MDGA1: variants seen among roughly 807,000 people sequenced by gnomAD.
MDGA1 encodes the protein MAM domain containing glycosylphosphatidylinositol anchor 1.
A neutral mutation model predicts 101.5 loss-of-function variants in MDGA1; 54 were observed. That is an observed-to-expected ratio of 0.53 (90% CI 0.43 to 0.67). The LOEUF (loss-of-function observed/expected upper bound fraction) is 0.67. MDGA1 is among the 30% of genes least tolerant of loss of function. MDGA1 has a pLI of 0.00. For synonymous variants in MDGA1, 533 were observed against 558.3 expected (o/e 0.95, Z 0.64); for missense variants, 1,083 against 1,323.8 (o/e 0.82, Z 2.82).
At chr6:37,637,645 G>A (rs1163815862) in intron 16 of MDGA1, among the ~76,000 whole-genome samples, 186 bp from the exon 17 acceptor site, 6 of 152,112 alleles carry the variant, frequency 3.9e-5, no homozygotes, top group African/African-American at 1.4e-4. Flanking sequence ...GTGGGGTGGG[G>A]GTTAGCTCAG....
rs1001396775 is a variant in MDGA1 at position 37,650,386 on chromosome 6, C to T, written c.1332G>A (p.Val444=). 1 of 1,557,208 alleles carries T rather than the reference C, an allele frequency of 6.4e-7. No individual in the cohort carries two copies. Among genetic ancestry groups the T allele is most frequent in the African/African-American group, 1.3e-5 (1 of 74,116 alleles). Residue 444 remains valine, a synonymous_variant, in exon 8 of 17, where the codon GTG becomes GTA. Transcript: ENST00000434837. ...CGGTCACCACGGCCCTACCCTTGGG[C>T]ACACTGATGGTGGGCGGCACTGTGG... is the stretch of plus-strand genomic sequence containing the variant. ...SSETVPPTIS[V]PKGRAVVTVR... is the part of the protein sequence containing the mutation.
chr6:37,668,401 T>C (rs1761801138), intron 1 of MDGA1, among the ~76,000 whole-genome samples: 1 of 152,250 alleles, frequency 6.6e-6, no homozygotes, highest in South Asian at 2.1e-4. Flanking sequence ...ATTTCACTCC[T>C]GGGTATGTAC....
chr6:37,667,568 G>A (rs775935048), intron 1 of MDGA1, among the ~76,000 whole-genome samples: 9 of 152,196 alleles, frequency 5.9e-5, no homozygotes, highest in Admixed American at 1.3e-4. Flanking sequence ...GAAAGAGATA[G>A]CCATCTGTGG....
chr6:37,643,990 C>A, intron 13 of MDGA1, 47 bp from the exon 14 acceptor site: 2 of 1,602,814 alleles, frequency 1.2e-6, no homozygotes, highest in Non-Finnish European at 1.7e-6. Context: ...GACAGCCAGG[C>A]CTCTTCCTAC....
At chr6:37,679,994 T>C (rs1235375251) in intron 1 of MDGA1, among the ~76,000 whole-genome samples, 2 of 152,232 alleles carry the variant, frequency 1.3e-5, no homozygotes, top group East Asian at 1.9e-4. Context: ...GACTTCATTA[T>C]ATTTAGTTAC....
At chr6:37,664,336 G>C in intron 1 of MDGA1, 1 of 534,832 alleles carries the variant, frequency 1.9e-6, no homozygotes, top group Non-Finnish European at 3.3e-6. Flanking sequence ...CCTTGCAAGA[G>C]AGCTGTGCTT....
intron 7 of MDGA1, 83 bp from the exon 8 acceptor site, chr6:37,650,488 C>T: frequency 7.3e-7 from 1 of 1,364,714 alleles, no homozygotes; most frequent in Non-Finnish European, 9.6e-7. Context: ...CTCCTGCTTA[C>T]CTCCCGCTAG....
chr6:37,687,770 C>T (rs1762227191), intron 1 of MDGA1, among the ~76,000 whole-genome samples: 1 of 152,010 alleles, frequency 6.6e-6, no homozygotes, highest in Non-Finnish European at 1.5e-5. Context: ...CAGCACCTGG[C>T]CTCACTTTAT....
At chr6:37,672,341 T>C (rs1761888413) in intron 1 of MDGA1, among the ~76,000 whole-genome samples, 1 of 150,192 alleles carries the variant, frequency 6.7e-6, no homozygotes, top group Admixed American at 6.6e-5. Flanking sequence ...TAATCCTAGC[T>C]AAGAGGGAGG....
At position 37,637,346 on chromosome 6, in the gene MDGA1, G is replaced by A. The variant is rs893201513; in HGVS notation, c.*22C>T. 3.1e-6 allele frequency: 5 copies of A among 1,592,046 alleles called. No individual in the cohort carries two copies. The Middle Eastern group carries it at 5.0e-4, about 159-fold the overall frequency. On this transcript the variant is annotated 3_prime_UTR_variant, in exon 17 of 17. Transcript: ENST00000434837. The stretch of plus-strand genomic sequence containing the variant: ...TTTGGTGTGCCGGGGGCAAGGTTGG[G>A]GGGGTGGCCACACAGCTCTCATCAT...
In MDGA1 at chr6:37,635,727, C is replaced by T. The variant is rs1763914189; in HGVS notation, c.*1641G>A. 2.5e-6 allele frequency: 1 copy of T among 398,740 alleles called. No homozygotes were observed. The highest frequency in any genetic ancestry group is 4.4e-6 in the Non-Finnish European group (1 of 226,102). 24.7% of individuals were successfully genotyped at this position (398,740 alleles called of 1,614,324 possible). On this transcript the variant is annotated 3_prime_UTR_variant, in exon 17 of 17. Transcript: ENST00000434837. ...CCTGTGATGCTCCTCACCAAAGGTG[C>T]TTGCATTCAATAGGGTCATCTGTAA...
At chr6:37,674,818 G>T (rs1352268868) in intron 1 of MDGA1, among the ~76,000 whole-genome samples, 1 of 152,190 alleles carries the variant, frequency 6.6e-6, no homozygotes, top group Non-Finnish European at 1.5e-5. Context: ...CACTTTGGGA[G>T]GCTGAGGCAG....
Position 37,654,563 on chromosome 6 carries a change from G to A in MDGA1, c.713-20C>T, listed in dbSNP as rs201066133. 9.9e-6 allele frequency: 16 copies of A among 1,613,956 alleles called. No individual in the cohort carries two copies. The African/African-American group carries it at 1.7e-4, about 17-fold the overall frequency. On this transcript the variant is annotated intron_variant, in intron 5 of 16. Coordinates refer to ENST00000434837, the MANE Select transcript of MDGA1 (RefSeq NM_153487.4). ...GTGGTGCTAAGAGGACAAGGAGGGG[G>A]GTCTTAGGGGACTGTGAGGCAGGGC... is the stretch of plus-strand genomic sequence containing the variant.
chr6:37,646,395 C>T lies in MDGA1; in HGVS notation c.2047-20G>A, dbSNP rs1253455701. ...GTTCAACTGTTAAGTACAGAGAGTT[C>T]CCAGATGCCTAGGAAGTCAGGCCCT... On this transcript the variant is annotated intron_variant, in intron 10 of 16. Transcript: ENST00000434837. 7 of 1,445,434 alleles carry T rather than the reference C, an allele frequency of 4.8e-6. No individual in the cohort carries two copies. The highest frequency in any genetic ancestry group is 1.8e-4 in the Middle Eastern group (1 of 5,442). 89.5% of individuals were successfully genotyped at this position (1,445,434 alleles called of 1,614,324 possible).
At chr6:37,675,477 T>G (rs1761959551) in intron 1 of MDGA1, among the ~76,000 whole-genome samples, 1 of 152,154 alleles carries the variant, frequency 6.6e-6, no homozygotes, top group African/African-American at 2.4e-5. Context: ...GGGAACCTAT[T>G]CCAAAGTCTT....
chr6:37,677,378 AT>A (rs1375457839), intron 1 of MDGA1, among the ~76,000 whole-genome samples: 7 of 152,334 alleles, frequency 4.6e-5, no homozygotes, highest in African/African-American at 1.7e-4. Context: ...GGAAAAAGTA[AT>A]TCACATAAGG....
At position 37,652,226 on chromosome 6, in the gene MDGA1, T is replaced by C. The variant is rs1761386742; in HGVS notation, c.1097A>G (p.Lys366Arg). The C allele has an allele frequency of 2.5e-6, 4 of 1,614,044 alleles. No homozygotes were observed. The highest frequency in any genetic ancestry group is 3.4e-6 in the Non-Finnish European group (4 of 1,179,900). Residue 366 changes from lysine to arginine, a missense_variant, in exon 7 of 17, where the codon AAG (lysine) becomes AGG (arginine). This residue lies in a region of MDGA1 where 116 missense variants were observed against 196.6 expected (regional missense o/e 0.59). Transcript: ENST00000434837. This position sits in a 1 kb window ranked among gnomAD's most constrained non-coding sequence, Gnocchi z 4.3. ...ATTCTTGAACCACTGGTAGGTCACCTTCTCCTGGGGCACTGCATCCACGTG... is the reference window on the plus strand; with the variant it reads ...ATTCTTGAACCACTGGTAGGTCACCCTCTCCTGGGGCACTGCATCCACGTG... ...SCHVDAVPQEKVTYQWFKNGK... is the reference protein window; with the variant it reads ...SCHVDAVPQERVTYQWFKNGK...
In MDGA1 at chr6:37,658,417, T is replaced by C. The variant is rs780331242; in HGVS notation, c.210A>G (p.Val70=). 1.4e-5 allele frequency: 23 copies of C among 1,605,784 alleles called. No individual in the cohort carries two copies. The highest frequency in any genetic ancestry group is 1.8e-5 in the Non-Finnish European group (21 of 1,176,238). ...CGCTACCTGCCGTCTTGGTCCACCG[T>C]ACCTGGGCCGCCAGGCGGGGCAGAG... The part of the protein sequence containing the change: ...CLVTGHPRPQ[V]RWTKTAGSAS... The change falls in exon 3 of 17, where the codon GTA becomes GTG. Residue 70 remains valine (V), a splice_region_variant and synonymous_variant. Coordinates refer to ENST00000434837, the MANE Select transcript of MDGA1 (RefSeq NM_153487.4).
rs929174191 is a variant in MDGA1, at chr6:37,692,591, G to A, written c.67+4154C>T. On this transcript the variant is annotated intron_variant, in intron 1 of 16. Transcript: ENST00000434837. ...TACCACTGCCCGGATTTCCACTCCC[G>A]CCCCCAGGTATTGATTTCCTGCATC... Among the ~76,000 whole-genome samples, 5 of 151,984 alleles carry A rather than the reference G, an allele frequency of 3.3e-5. No individual in the cohort carries two copies. In the South Asian group the frequency reaches 6.2e-4, roughly 19 times the overall value.
Sources: gnomAD v4.1 joint callset for allele counts (sites outside exome capture counted in the v4.1 genomes callset) on GRCh38, gnomAD v4.1.1 for gene constraint, gnomAD v4.1.1 regional missense constraint, Gnocchi (gnomAD v3.1) non-coding constraint, MANE v1.5 for transcripts, NCBI Gene and HGNC (gene_info 2026-07-23, HGNC 2026-07-21) for gene names.